DPP6: variants seen among roughly 807,000 people sequenced by gnomAD.
The protein encoded by DPP6 is A-type potassium channel modulatory protein DPP6.
In DPP6, 69 loss-of-function variants were observed where a neutral mutation model predicts 122.6. The ratio of observed to expected loss-of-function variants is 0.56; its 90% CI spans 0.46 to 0.69. The LOEUF (loss-of-function observed/expected upper bound fraction) is 0.69, where lower values mean the gene tolerates loss of function less well. DPP6 is among the 30% of genes least tolerant of loss of function. The probability of loss-of-function intolerance (pLI) is 0.00; values close to 1 mark genes in which losing one functional copy is unlikely to be tolerated. For missense variants in DPP6, 928 were observed against 1,116.9 expected (o/e 0.83, Z 2.41); for synonymous variants, 418 against 433.1 (o/e 0.97, Z 0.43).
chr7:154,532,659 G>A (rs539986902), intron 3 of DPP6, among the ~76,000 whole-genome samples: 24 of 152,024 alleles, frequency 1.6e-4, no homozygotes, highest in African/African-American at 5.3e-4. Context: ...CAGATGCCAC[G>A]ATCCTACTAA....
chr7:154,477,008 G>A (rs962768644), intron 3 of DPP6, among the ~76,000 whole-genome samples: 4 of 152,020 alleles, frequency 2.6e-5, no homozygotes, highest in Non-Finnish European at 5.9e-5. Flanking sequence ...CAGCCTGGGA[G>A]GTCCAGGCTG....
chr7:153,867,883 G>A, the DPP6 span, among the ~76,000 whole-genome samples: 19 of 152,260 alleles, frequency 1.2e-4, no homozygotes, highest in African/African-American at 4.3e-4. Context: ...TTTATCAAAG[G>A]CCTTTTATGC....
intron 1 of DPP6, among the ~76,000 whole-genome samples, chr7:153,985,395 T>C (rs1034296653): frequency 6.6e-6 from 1 of 152,236 alleles, no homozygotes; most frequent in Non-Finnish European, 1.5e-5. Context: ...GTAGCTTTAC[T>C]CACAGTGGGA....
intron 5 of DPP6, among the ~76,000 whole-genome samples, chr7:154,612,085 T>C (rs1387187): frequency 0.95 from 144,932 of 152,280 alleles, 69,376 homozygotes; most frequent in East Asian, 1. Context: ...TCTGTGAGCT[T>C]GCTGTCTTGC....
At chr7:154,805,014 C>T (rs1798609084) in intron 15 of DPP6, 50 bp downstream of exon 15, 2 of 1,556,938 alleles carry the variant, frequency 1.3e-6, no homozygotes, top group African/African-American at 1.4e-5. Flanking sequence ...AGGAGGGCAT[C>T]CAGGCTTTGC....
intron 1 of DPP6, among the ~76,000 whole-genome samples, chr7:154,111,610 G>A (rs1585399952): frequency 6.9e-6 from 1 of 145,714 alleles, no homozygotes; most frequent in East Asian, 2.0e-4. Context: ...AATGAAAACA[G>A]GCAGGGTTTC....
At chr7:154,216,625 C>A (rs1410988394) in intron 1 of DPP6, among the ~76,000 whole-genome samples, 1 of 152,056 alleles carries the variant, frequency 6.6e-6, no homozygotes, top group East Asian at 1.9e-4. Context: ...TAAAAGGCTC[C>A]CTTTCAAATT....
At chr7:154,250,175 C>T (rs1802259681) in intron 1 of DPP6, among the ~76,000 whole-genome samples, 1 of 152,098 alleles carries the variant, frequency 6.6e-6, no homozygotes, top group African/African-American at 2.4e-5. Context: ...TTAAAAGGGA[C>T]AGGAATTGCT....
rs188180770 is a variant in DPP6 at position 154,692,818 on chromosome 7, G to T, written c.762+23377G>T. On this transcript the variant is annotated intron_variant, in intron 7 of 25. Coordinates refer to ENST00000377770, the MANE Select transcript of DPP6 (RefSeq NM_130797.4). The stretch of plus-strand genomic sequence containing the variant: ...TTTTTTTGAGACAGGGTCTCACTCT[G>T]TCATCCAGGCTGGAGTGCAGTGGCA... 4.8e-3 allele frequency among the ~76,000 whole-genome samples: 664 copies of T among 137,882 alleles called. 7 individuals are homozygous for T. The highest frequency in any genetic ancestry group is 0.017 in the African/African-American group (629 of 37,868). 90.5% of individuals were successfully genotyped at this position (137,882 alleles called of 152,430 possible).
chr7:154,773,590 G>T (rs970901113), intron 10 of DPP6, among the ~76,000 whole-genome samples: 3 of 152,126 alleles, frequency 2.0e-5, no homozygotes, highest in Non-Finnish European at 4.4e-5. Context: ...CCTTCTCTCT[G>T]TTAAGGATAT....
chr7:154,662,205 C>T (rs1321926924), intron 6 of DPP6, among the ~76,000 whole-genome samples: 2 of 151,240 alleles, frequency 1.3e-5, no homozygotes, highest in Admixed American at 6.6e-5. Context: ...GGCATATTGG[C>T]CGTAGCGTTC....
chr7:154,097,526 T>A (rs1264202893), intron 1 of DPP6, among the ~76,000 whole-genome samples: 2 of 152,278 alleles, frequency 1.3e-5, no homozygotes, highest in Non-Finnish European at 2.9e-5. Context: ...GTACTCCAGA[T>A]GATTTTGCTA....
At chr7:154,889,591 G>A in intron 25 of DPP6, 61 bp downstream of exon 25, 1 of 1,556,748 alleles carries the variant, frequency 6.4e-7, no homozygotes. Context: ...CATGGAGAAA[G>A]ACCTGACGGG....
At chr7:154,831,909 A>G (rs1402197874) in intron 16 of DPP6, among the ~76,000 whole-genome samples, 1 of 152,212 alleles carries the variant, frequency 6.6e-6, no homozygotes, top group Non-Finnish European at 1.5e-5. Context: ...TGAGATTCTG[A>G]CAAATCTTTA....
chr7:154,116,662 G>C (rs1233431089), intron 1 of DPP6, among the ~76,000 whole-genome samples: 1 of 152,146 alleles, frequency 6.6e-6, no homozygotes, highest in African/African-American at 2.4e-5. Flanking sequence ...CCTTTACAGA[G>C]TAGTTGTTTC....
chr7:154,776,435 C>T (rs1796577765), intron 10 of DPP6, among the ~76,000 whole-genome samples: 2 of 152,308 alleles, frequency 1.3e-5, no homozygotes, highest in Middle Eastern at 3.4e-3. Flanking sequence ...CTGATAACCA[C>T]ATTTCACATG....
the DPP6 span, among the ~76,000 whole-genome samples, chr7:153,811,963 G>A: frequency 2.0e-5 from 3 of 152,138 alleles, no homozygotes; most frequent in Non-Finnish European, 4.4e-5. Context: ...AGATCAGAGG[G>A]ACTGAAAACA....
intron 1 of DPP6, among the ~76,000 whole-genome samples, chr7:154,107,786 C>T (rs1404760681): frequency 1.3e-5 from 2 of 151,992 alleles, no homozygotes; most frequent in African/African-American, 4.8e-5. Context: ...TGCCTGGGGC[C>T]CAGAAGTGCT....
intron 1 of DPP6, among the ~76,000 whole-genome samples, chr7:154,249,202 G>T (rs1216276951): frequency 1.3e-5 from 2 of 152,220 alleles, no homozygotes; most frequent in African/African-American, 4.8e-5. Flanking sequence ...AGGGTAAATA[G>T]CTTAGTCAAA....
Sources: gnomAD v4.1 joint callset for allele counts (sites outside exome capture counted in the v4.1 genomes callset) on GRCh38, gnomAD v4.1.1 for gene constraint, MANE v1.5 for transcripts, NCBI Gene and HGNC (gene_info 2026-07-23, HGNC 2026-07-21) for gene names.